Variants in MTR observed in about 807,000 individuals in gnomAD.
MTR encodes the protein 5-methyltetrahydrofolate-homocysteine methyltransferase, also known as methionine synthase.
MTR carries 84 observed loss-of-function variants against 154.8 expected under a neutral mutation model. That is an observed-to-expected ratio of 0.54 (90% CI 0.45 to 0.65). MTR has a LOEUF of 0.65. Among genes scored for constraint, MTR ranks in the 30% least tolerant of loss-of-function variants. The probability of loss-of-function intolerance (pLI) is 0.00; values close to 1 mark genes in which losing one functional copy is unlikely to be tolerated. For synonymous variants in MTR, 554 were observed against 553.9 expected, an observed-to-expected ratio of 1.00 and a Z score of 0.00; for missense variants, 1,275 against 1,570.2, an observed-to-expected ratio of 0.81 and a Z score of 3.18.
At chr1:236,896,032 A>G (rs1666605715) in intron 31 of MTR, among the ~76,000 whole-genome samples, 1 of 152,142 alleles carries the variant, frequency 6.6e-6, no homozygotes, top group South Asian at 2.1e-4. Flanking sequence ...AGTAACATTT[A>G]TATTCTTCTG....
At chr1:236,874,067 C>T (rs529157165) in intron 23 of MTR, among the ~76,000 whole-genome samples, 1 of 152,288 alleles carries the variant, frequency 6.6e-6, no homozygotes, top group South Asian at 2.1e-4. Flanking sequence ...GGAATGGGGA[C>T]AGACTTCTTA....
chr1:236,825,140 A>ATTTTTTTTTTTTTTTTTT (rs749672025), intron 9 of MTR, among the ~76,000 whole-genome samples, 198 bp from the exon 10 acceptor site: 2 of 114,146 alleles, frequency 1.8e-5, no homozygotes, highest in African/African-American at 3.7e-5. Flanking sequence ...TTCCTCTGTG[A>ATTTTTTTTTTTTTTTTTT]TTTTTTTTTT....
rs574964838 is a variant in MTR at position 236,850,072 on chromosome 1, C to G, written c.1516-272C>G. Among the ~76,000 whole-genome samples the G allele has an allele frequency of 6.6e-5, 10 of 152,168 alleles. No individual in the cohort carries two copies. In the East Asian group the frequency reaches 1.9e-3, roughly 29 times the overall value. ...TTGATTTTTTGCAGAAAGAGTATAG[C>G]TGCTGTGTTTGTGAAAACACAAAGA... On this transcript the variant is annotated intron_variant, in intron 15 of 32. Coordinates refer to ENST00000366577, the MANE Select transcript of MTR (RefSeq NM_000254.3).
intron 6 of MTR, 148 bp from the exon 7 acceptor site, chr1:236,815,456 C>T: frequency 1.3e-6 from 1 of 778,292 alleles, no homozygotes; most frequent in Non-Finnish European, 2.2e-6. Flanking sequence ...TGGGGTTGTG[C>T]CTTATAAGGA....
intron 8 of MTR, among the ~76,000 whole-genome samples, chr1:236,818,546 T>A (rs1661735519): frequency 6.6e-6 from 1 of 152,248 alleles, no homozygotes; most frequent in Non-Finnish European, 1.5e-5. Context: ...TAATTAAAAA[T>A]TTTTAAAAAT....
At chr1:236,825,257 A>G in intron 9 of MTR, 81 bp from the exon 10 acceptor site, 1 of 961,508 alleles carries the variant, frequency 1.0e-6, no homozygotes, top group South Asian at 1.5e-5. Context: ...AAAATTATAT[A>G]GTTATTAACA....
intron 8 of MTR, chr1:236,819,567 T>A: frequency 5.1e-6 from 2 of 392,554 alleles, no homozygotes; most frequent in South Asian, 4.4e-5. Flanking sequence ...GGCCTTTCCA[T>A]GCTACTCACA....
chr1:236,852,001 T>C (rs1663930272), intron 16 of MTR, among the ~76,000 whole-genome samples: 1 of 152,144 alleles, frequency 6.6e-6, no homozygotes, highest in South Asian at 2.1e-4. Flanking sequence ...GACCCAGAAG[T>C]GGTTGGCTCA....
At chr1:236,848,327 T>G (rs2103229497) in intron 15 of MTR, among the ~76,000 whole-genome samples, 1 of 152,256 alleles carries the variant, frequency 6.6e-6, no homozygotes, top group Non-Finnish European at 1.5e-5. Context: ...AGATGAGGAA[T>G]GACCAGGACC....
intron 2 of MTR, among the ~76,000 whole-genome samples, chr1:236,803,928 A>G (rs998558987): frequency 5.9e-5 from 9 of 152,240 alleles, no homozygotes; most frequent in African/African-American, 2.2e-4. Context: ...GTGTGAGAAA[A>G]CTATCTTATT....
intron 22 of MTR, among the ~76,000 whole-genome samples, chr1:236,865,905 A>G (rs902746727): frequency 2.6e-5 from 4 of 152,008 alleles, no homozygotes; most frequent in African/African-American, 9.7e-5. Context: ...CTCCTTTTAT[A>G]GATGAGAAAA....
chr1:236,823,852 T>C (rs1358593014), intron 8 of MTR, among the ~76,000 whole-genome samples: 2 of 142,076 alleles, frequency 1.4e-5, no homozygotes, highest in Non-Finnish European at 3.1e-5. Context: ...TTGCTGACAT[T>C]TCTGTACCAT....
At chr1:236,836,720 C>T (rs1195650703) in intron 14 of MTR, among the ~76,000 whole-genome samples, 1 of 152,146 alleles carries the variant, frequency 6.6e-6, no homozygotes, top group African/African-American at 2.4e-5. Flanking sequence ...AAACTCTTTA[C>T]TAAAAAGTCT....
At chr1:236,886,614 A>G (rs910736400) in intron 27 of MTR, among the ~76,000 whole-genome samples, 1 of 152,268 alleles carries the variant, frequency 6.6e-6, no homozygotes, top group Non-Finnish European at 1.5e-5. Flanking sequence ...AGACAACTCC[A>G]TAATGGACAT....
chr1:236,888,533 G>A (rs2147930344), intron 27 of MTR, among the ~76,000 whole-genome samples: 1 of 152,364 alleles, frequency 6.6e-6, no homozygotes, highest in Non-Finnish European at 1.5e-5. Flanking sequence ...ACAATGCAGA[G>A]TGAACAGAGG....
In MTR at chr1:236,810,568, G is replaced by A; in HGVS notation, c.475G>A (p.Val159Met). ...TAAGACACTCTCTGTGTCCCCATCT[G>A]TGGAAAGGCCGGATTATAGGAACAT... ...TNKTLSVSPS[V>M]ERPDYRNITF... The change falls in exon 5 of 33, where the codon GTG (valine) becomes ATG (methionine). Residue 159 changes from valine to methionine, a missense_variant. Val to Met is a conservative substitution (Grantham distance 21). Transcript: ENST00000366577. The A allele has an allele frequency of 6.2e-7, 1 of 1,613,758 alleles. No homozygotes were observed. The highest frequency in any genetic ancestry group is 8.5e-7 in the Non-Finnish European group (1 of 1,179,770).
chr1:236,863,337 G>T (rs1396039568), intron 21 of MTR, 117 bp from the exon 22 acceptor site: 2 of 822,388 alleles, frequency 2.4e-6, no homozygotes, highest in East Asian at 5.3e-5. Context: ...GTCTGTCTTT[G>T]AGGTGCTCTT....
In MTR at chr1:236,901,906, C is replaced by A. The variant is rs185120585; in HGVS notation, c.*4262C>A. 3.3e-5 allele frequency: 5 copies of A among 152,362 alleles called. No homozygotes were observed. In the East Asian group the frequency reaches 9.6e-4, roughly 29 times the overall value. The allele number at this position is 152,362 out of a possible 1,614,324, so 9.4% of individuals were successfully genotyped here. ...TTTTCTTTTTCTCAACCTTCACATC[C>A]AGTTGGTTCTCAAGCCCTGGCGATT... On this transcript the variant is annotated 3_prime_UTR_variant, in exon 33 of 33. Coordinates refer to ENST00000366577, the MANE Select transcript of MTR (RefSeq NM_000254.3).
At chr1:236,897,310 G>GCGCGCGCGCACGCGCGCGCACA in intron 32 of MTR, among the ~76,000 whole-genome samples, 192 bp downstream of exon 32, 6 of 128,682 alleles carry the variant, frequency 4.7e-5, no homozygotes, top group African/African-American at 1.1e-4. Context: ...CCACACACAC[G>GCGCGCGCGCACGCGCGCGCACA]CACACACACA....
Sources: allele counts gnomAD v4.1 joint callset (sites outside exome capture counted in the v4.1 genomes callset), GRCh38; gene constraint gnomAD v4.1.1; transcripts MANE v1.5; gene names NCBI Gene and HGNC (gene_info 2026-07-23, HGNC 2026-07-21).